The following DDX19A variants were observed in gnomAD, a reference collection of about 807,000 sequenced individuals.
DDX19A encodes the protein ATP-dependent RNA helicase DDX19A.
Under a neutral mutation model 60.6 loss-of-function variants are expected in DDX19A, and 12 were observed. The ratio of observed to expected loss-of-function variants is 0.20; its 90% CI spans 0.13 to 0.32. DDX19A has a LOEUF of 0.32. Among genes scored for constraint, DDX19A ranks in the 10% least tolerant of loss-of-function variants. The pLI, the probability that DDX19A is intolerant of heterozygous loss-of-function variation, is 1.00. For synonymous variants in DDX19A, 206 were observed against 218.2 expected, an observed-to-expected ratio of 0.94 and a Z score of 0.49; for missense variants, 337 against 600.6, an observed-to-expected ratio of 0.56 and a Z score of 4.59.
chr16:70,364,633 C>T lies in DDX19A; in HGVS notation c.477C>T (p.Asp159=). The T allele has an allele frequency of 6.2e-7, 1 of 1,614,024 alleles. No homozygotes were observed. The highest frequency in any genetic ancestry group is 1.3e-5 in the African/African-American group (1 of 75,050). Residue 159 remains aspartate (D), a synonymous_variant, in exon 6 of 12, where the codon GAC becomes GAT. Transcript: ENST00000302243. ...LAMLSRVEPS[D]RYPQCLCLSP... ...TGCTCAGCCGAGTGGAGCCATCAGA[C>T]AGATACCCCCAGGTGAGGGCTTGCG...
chr16:70,354,876 C>T (rs908089764), intron 2 of DDX19A, among the ~76,000 whole-genome samples: 3 of 152,016 alleles, frequency 2.0e-5, no homozygotes, highest in African/African-American at 7.2e-5. Context: ...GTGGCATGCA[C>T]CTGTAGTCCC....
chr16:70,348,392 G>A lies in DDX19A; in HGVS notation c.57+1344G>A, dbSNP rs554797558. 4.7e-4 allele frequency among the ~76,000 whole-genome samples: 72 copies of A among 152,090 alleles called. 2 individuals carry two copies. The highest frequency in any genetic ancestry group is 2.0e-4 in the Admixed American group (3 of 15,258). On this transcript the variant is annotated intron_variant, in intron 1 of 11. Transcript: ENST00000302243. ...TGTGATCCCAGCACTTTGGGAGGCC[G>A]AGGCGGGCAGATCACTCGAGGTCAA...
intron 9 of DDX19A, among the ~76,000 whole-genome samples, chr16:70,369,071 TAGTC>T (rs1412910754): frequency 6.6e-6 from 1 of 152,016 alleles, no homozygotes; most frequent in Non-Finnish European, 1.5e-5. Context: ...TTCTCCATAT[TAGTC>T]AGGCTAGTCT....
intron 4 of DDX19A, among the ~76,000 whole-genome samples, chr16:70,360,416 C>T (rs1040794451): frequency 3.4e-5 from 5 of 148,860 alleles, no homozygotes; most frequent in African/African-American, 1.2e-4. Flanking sequence ...TAACTCTTAG[C>T]CTCAGGCAAT....
chr16:70,357,366 G>GTTTTTTTTTTTTTTT lies in DDX19A; in HGVS notation c.293+1141_293+1155dup, dbSNP rs71151183. ...AATCTGTCAAATCTGTTTTTGGTTTGTTTTTTTTTTTTTTTTTTTTTTTTT... is the reference window on the plus strand; with the variant it reads ...AATCTGTCAAATCTGTTTTTGGTTTGTTTTTTTTTTTTTTTTTTTTTTTTTTTTTTTTTTTTTTTT... On this transcript the variant is annotated intron_variant, in intron 4 of 11. Coordinates refer to ENST00000302243, the MANE Select transcript of DDX19A (RefSeq NM_018332.5). Among the ~76,000 whole-genome samples, 53 of 44,578 alleles carry GTTTTTTTTTTTTTTT rather than the reference G, an allele frequency of 1.2e-3. 22 individuals carry two copies. Among genetic ancestry groups the GTTTTTTTTTTTTTTT allele is most frequent in the East Asian group, 1.5e-3 (2 of 1,370 alleles). 29.2% of individuals were successfully genotyped at this position (44,578 alleles called of 152,430 possible).
At chr16:70,348,067 A>G (rs1434045516) in intron 1 of DDX19A, 6 of 407,484 alleles carry the variant, frequency 1.5e-5, no homozygotes, top group Non-Finnish European at 2.4e-5. Flanking sequence ...AGAGAACAGA[A>G]TATGTTAGAA....
chr16:70,361,429 T>C lies in DDX19A; in HGVS notation c.305T>C (p.Leu102Pro). ...TCCTGGCTTCCTAGGAAACCACAGC[T>C]TCTCCAGGGAGTCTATGCCATGGGC... ...SFEELRLKPQ[L>P]LQGVYAMGFN... Residue 102 changes from leucine to proline, a missense_variant, in exon 5 of 12, where the codon CTT (leucine) becomes CCT (proline). Transcript: ENST00000302243. The C allele has an allele frequency of 6.2e-7, 1 of 1,613,678 alleles. No individual in the cohort carries two copies. The highest frequency in any genetic ancestry group is 8.5e-7 in the Non-Finnish European group (1 of 1,179,630).
At chr16:70,357,362 G>GTTTTTTTT (rs1248365917) in intron 4 of DDX19A, among the ~76,000 whole-genome samples, 19 of 48,862 alleles carry the variant, frequency 3.9e-4, no homozygotes, top group East Asian at 1.3e-3. Context: ...TCTGTTTTTG[G>GTTTTTTTT]TTTGTTTTTT....
At chr16:70,364,477 A>T in intron 5 of DDX19A, 66 bp from the exon 6 acceptor site, 1 of 1,269,062 alleles carries the variant, frequency 7.9e-7, no homozygotes, top group East Asian at 2.4e-5. Context: ...TCATTCAGAA[A>T]GAACATTTTG....
chr16:70,366,917 A>G, intron 9 of DDX19A, 56 bp downstream of exon 9: 1 of 1,598,936 alleles, frequency 6.3e-7, no homozygotes, highest in Non-Finnish European at 8.6e-7. Context: ...AGCTCCCCAC[A>G]GGGCTCAGGA....
chr16:70,362,552 C>T (rs938361419), intron 5 of DDX19A, among the ~76,000 whole-genome samples: 2 of 152,056 alleles, frequency 1.3e-5, no homozygotes, highest in African/African-American at 4.8e-5. Flanking sequence ...GAATTCCCCT[C>T]CTTCCACATC....
Position 70,373,245 on chromosome 16 carries a change from A to G in DDX19A, c.*1259A>G, listed in dbSNP as rs1487189871. ...GAGACCCCGACTCAATAAATAAATA[A>G]GGATGGATAAATTGTAGCGTATGCA... On this transcript the variant is annotated 3_prime_UTR_variant, in exon 12 of 12. Transcript: ENST00000302243. The G allele has an allele frequency of 6.6e-6, 1 of 152,216 alleles. No individual in the cohort carries two copies. Among genetic ancestry groups the G allele is most frequent in the Non-Finnish European group, 1.5e-5 (1 of 68,038 alleles). 9.4% of individuals were successfully genotyped at this position (152,216 alleles called of 1,614,324 possible). A position where few individuals can be genotyped will look rare whatever the true frequency, so the allele number is the denominator to read the frequency against.
chr16:70,368,155 C>G (rs548518103), intron 9 of DDX19A, among the ~76,000 whole-genome samples: 1 of 152,170 alleles, frequency 6.6e-6, no homozygotes, highest in Non-Finnish European at 1.5e-5. Context: ...TAGCATGGGT[C>G]ATAAAGCAAC....
chr16:70,357,377 T>G (rs867179949), intron 4 of DDX19A, among the ~76,000 whole-genome samples: 1 of 58,438 alleles, frequency 1.7e-5, no homozygotes, highest in Admixed American at 2.1e-4. Flanking sequence ...TTTTTTTTTT[T>G]TTTTTTTTTT....
chr16:70,355,160 C>T (rs976289551), intron 2 of DDX19A, among the ~76,000 whole-genome samples: 4 of 151,876 alleles, frequency 2.6e-5, no homozygotes, highest in Non-Finnish European at 4.4e-5. Flanking sequence ...ATCACTTGAT[C>T]GAGGTCAGGA....
In DDX19A at chr16:70,361,530, G is replaced by A. The variant is rs150166700; in HGVS notation, c.386+20G>A. ...TGAACCGTGAGTATGCAGATGAAGCGCATCTCACCCAGTGTGATTAGATCA... is the reference window on the plus strand; with the variant it reads ...TGAACCGTGAGTATGCAGATGAAGCACATCTCACCCAGTGTGATTAGATCA... On this transcript the variant is annotated intron_variant, in intron 5 of 11. Coordinates refer to ENST00000302243, the MANE Select transcript of DDX19A (RefSeq NM_018332.5). 8.0e-5 allele frequency: 126 copies of A among 1,570,598 alleles called. 2 individuals are homozygous for A. In the African/African-American group the frequency reaches 1.4e-3, roughly 18 times the overall value.
chr16:70,350,486 T>C (rs1963977483), intron 1 of DDX19A, 71 bp from the exon 2 acceptor site: 1 of 1,220,360 alleles, frequency 8.2e-7, no homozygotes, highest in African/African-American at 1.5e-5. Context: ...ACTAGAAAGT[T>C]TTTCTTTTCT....
At chr16:70,357,890 A>G (rs1964260470) in intron 4 of DDX19A, among the ~76,000 whole-genome samples, 1 of 152,190 alleles carries the variant, frequency 6.6e-6, no homozygotes, top group South Asian at 2.1e-4. Flanking sequence ...AGCAAAATCT[A>G]TAGTATGGCC....
chr16:70,362,127 A>G (rs986223423), intron 5 of DDX19A, among the ~76,000 whole-genome samples: 7 of 149,710 alleles, frequency 4.7e-5, no homozygotes, highest in Non-Finnish European at 8.9e-5. Context: ...GTGAGCCGAG[A>G]TGGTGCCACT....
Sources: gnomAD v4.1 joint callset for allele counts (sites outside exome capture counted in the v4.1 genomes callset) on GRCh38, gnomAD v4.1.1 for gene constraint, MANE v1.5 for transcripts, NCBI Gene and HGNC (gene_info 2026-07-23, HGNC 2026-07-21) for gene names.